RARB: variants seen among roughly 807,000 people sequenced by gnomAD.
The protein encoded by RARB is retinoic acid receptor beta.
In RARB, 17 loss-of-function variants were observed where a neutral mutation model predicts 51.9. The ratio of observed to expected loss-of-function variants is 0.33; its 90% CI spans 0.22 to 0.49. The LOEUF (loss-of-function observed/expected upper bound fraction) is 0.49. Among genes scored for constraint, RARB ranks in the 20% least tolerant of loss-of-function variants. RARB has a pLI of 0.99. For missense variants in RARB, 369 were observed against 550.8 expected (o/e 0.67, Z 3.30); for synonymous variants, 215 against 195.4 (o/e 1.10, Z -0.84).
chr3:25,252,560 C>G (rs1050031765), intron 5 of RARB, among the ~76,000 whole-genome samples: 1 of 152,164 alleles, frequency 6.6e-6, no homozygotes, highest in Non-Finnish European at 1.5e-5. Context: ...AAGCCTTGCA[C>G]TTCTTTTGCT....
At chr3:24,873,568 G>A (rs1702986375) in intron 2 of RARB, among the ~76,000 whole-genome samples, 2 of 151,282 alleles carry the variant, frequency 1.3e-5, no homozygotes, top group African/African-American at 2.4e-5. Context: ...TCTACAGTAA[G>A]TTTTTTTAAT....
chr3:25,378,994 G>C (rs981662393), intron 5 of RARB, among the ~76,000 whole-genome samples: 2 of 152,214 alleles, frequency 1.3e-5, no homozygotes, highest in Non-Finnish European at 2.9e-5. Flanking sequence ...AATTATTTAA[G>C]ATTGCTTGTA....
intron 4 of RARB, among the ~76,000 whole-genome samples, chr3:25,150,172 G>T (rs967962143): frequency 1.3e-5 from 2 of 149,868 alleles, no homozygotes; most frequent in African/African-American, 4.9e-5. Context: ...CTGCACTCCA[G>T]CCTGGATGAC....
chr3:25,405,395 AC>A (rs1343306273), intron 5 of RARB, among the ~76,000 whole-genome samples: 8 of 152,324 alleles, frequency 5.3e-5, no homozygotes, highest in African/African-American at 1.9e-4. Flanking sequence ...AAACAAAATG[AC>A]AGCCATGAAT....
intron 4 of RARB, among the ~76,000 whole-genome samples, chr3:25,167,131 A>G (rs1700573352): frequency 6.6e-6 from 1 of 152,188 alleles, no homozygotes; most frequent in African/African-American, 2.4e-5. Context: ...TTAAAATATT[A>G]TTTAACTCCC....
At chr3:25,461,698 C>G (rs1047092007) in intron 2 of RARB, among the ~76,000 whole-genome samples, 1 of 152,020 alleles carries the variant, frequency 6.6e-6, no homozygotes. Flanking sequence ...GTTTGAGGCC[C>G]GCCTGACCAA....
chr3:25,243,622 T>G (rs1050761699), intron 5 of RARB, among the ~76,000 whole-genome samples: 3 of 152,166 alleles, frequency 2.0e-5, no homozygotes, highest in Non-Finnish European at 4.4e-5. Context: ...TACTGATTTG[T>G]GTATGTTGAA....
At chr3:25,027,219 C>T (rs1354286340) in intron 2 of RARB, among the ~76,000 whole-genome samples, 1 of 84,642 alleles carries the variant, frequency 1.2e-5, no homozygotes, top group Non-Finnish European at 2.6e-5. Flanking sequence ...CAGGAAGAAT[C>T]CAAAATTAAT....
chr3:24,907,609 G>A (rs939121608), intron 2 of RARB, among the ~76,000 whole-genome samples: 1 of 152,156 alleles, frequency 6.6e-6, no homozygotes, highest in South Asian at 2.1e-4. Flanking sequence ...TGGAATGTGA[G>A]GAGTAAGGAT....
At chr3:25,403,153 T>G (rs892445146) in intron 5 of RARB, among the ~76,000 whole-genome samples, 4 of 129,940 alleles carry the variant, frequency 3.1e-5, no homozygotes, top group Non-Finnish European at 6.4e-5. Context: ...ACAGAAAGAC[T>G]GCATCTCAAA....
intron 2 of RARB, among the ~76,000 whole-genome samples, chr3:25,049,453 A>G (rs1698282773): frequency 6.6e-6 from 1 of 152,226 alleles, no homozygotes; most frequent in African/African-American, 2.4e-5. Context: ...TTGCTTATTT[A>G]CATCACTTTG....
intron 5 of RARB, among the ~76,000 whole-genome samples, chr3:25,420,500 AC>A: frequency 6.6e-6 from 1 of 152,366 alleles, no homozygotes; most frequent in South Asian, 2.1e-4. Context: ...AACCTGTTTA[AC>A]TGAAATCTCC....
At chr3:25,332,494 C>A (rs150617500) in intron 5 of RARB, among the ~76,000 whole-genome samples, 5 of 152,132 alleles carry the variant, frequency 3.3e-5, no homozygotes, top group Non-Finnish European at 7.3e-5. Flanking sequence ...GCTAAAAACT[C>A]TCAATAAACT....
intron 5 of RARB, among the ~76,000 whole-genome samples, chr3:25,318,368 T>G (rs1313714043): frequency 6.6e-6 from 1 of 152,208 alleles, no homozygotes; most frequent in East Asian, 1.9e-4. Context: ...TGGAATATAG[T>G]GGCTAATGTG....
chr3:25,180,685 C>A (rs1264045279), intron 5 of RARB, among the ~76,000 whole-genome samples: 1 of 152,126 alleles, frequency 6.6e-6, no homozygotes, highest in Non-Finnish European at 1.5e-5. Flanking sequence ...GTCTTTGTTT[C>A]TCTGTTTTCT....
chr3:25,391,592 G>A (rs57487008), intron 5 of RARB, among the ~76,000 whole-genome samples: 4,217 of 152,236 alleles, frequency 0.028, 142 homozygotes, highest in East Asian at 0.11. Context: ...TCTTGCAGAA[G>A]TAAGATGGTA....
chr3:25,195,431 T>C (rs1256068786), intron 5 of RARB, among the ~76,000 whole-genome samples: 1 of 152,064 alleles, frequency 6.6e-6, no homozygotes, highest in Non-Finnish European at 1.5e-5. Context: ...TAAAGTAATA[T>C]TTCTTAAGAC....
At chr3:25,458,732 G>A (rs1695031454) in intron 1 of RARB, among the ~76,000 whole-genome samples, 4 of 152,146 alleles carry the variant, frequency 2.6e-5, no homozygotes. Flanking sequence ...ACTAGGACCT[G>A]TACTACTCAA....
intron 5 of RARB, among the ~76,000 whole-genome samples, chr3:25,407,139 C>G (rs1297247791): frequency 6.6e-6 from 1 of 152,202 alleles, no homozygotes; most frequent in African/African-American, 2.4e-5. Flanking sequence ...ATGTGCTTCT[C>G]TCTTCAAAAT....
Sources: allele counts gnomAD v4.1 joint callset (sites outside exome capture counted in the v4.1 genomes callset), GRCh38; gene constraint gnomAD v4.1.1; transcripts MANE v1.5; gene names NCBI Gene and HGNC (gene_info 2026-07-23, HGNC 2026-07-21).